Variants in KLF8 observed in about 807,000 individuals in gnomAD.
The protein encoded by KLF8 is KLF transcription factor 8, also known as Krueppel-like factor 8.
In KLF8, 10 loss-of-function variants were observed where a neutral mutation model predicts 18.2. The observed-to-expected ratio is 0.55, with a 90% CI of 0.34 to 0.93. The LOEUF is 0.93. Among genes scored for constraint, KLF8 ranks in the 40% least tolerant of loss-of-function variants. The probability of loss-of-function intolerance (pLI) is 0.02; values close to 1 mark genes in which losing one functional copy is unlikely to be tolerated. For synonymous variants in KLF8, 109 were observed against 97.3 expected, an observed-to-expected ratio of 1.12 and a Z score of -0.71; for missense variants, 264 against 277.9, an observed-to-expected ratio of 0.95 and a Z score of 0.36.
At chrX:55,962,429 A>G in the KLF8 span, 157 of 234,883 alleles carry the variant, frequency 6.7e-4, 1 homozygote, top group East Asian at 0.018. Flanking sequence ...GGCAGGGGTC[A>G]CCTTCAGCAA....
At chrX:56,043,952 CT>C in the KLF8 span, among the ~76,000 whole-genome samples, 1 of 112,363 alleles carries the variant, frequency 8.9e-6, no homozygotes, top group Non-Finnish European at 1.9e-5. Context: ...TGCCTTCTAT[CT>C]TTGAGGTTGC....
the KLF8 span, among the ~76,000 whole-genome samples, chrX:55,924,821 T>G: frequency 2.6e-5 from 2 of 76,232 alleles, no homozygotes; most frequent in Non-Finnish European, 4.2e-5. Context: ...TTCGTGGTGG[T>G]TTTTTTTTTG....
the KLF8 span, among the ~76,000 whole-genome samples, chrX:56,073,908 G>A: frequency 9.0e-6 from 1 of 111,518 alleles, no homozygotes; most frequent in Admixed American, 9.5e-5. Flanking sequence ...ACTATGCCCA[G>A]CTAATATTTT....
At chrX:56,103,880 C>T in the KLF8 span, among the ~76,000 whole-genome samples, 5 of 110,738 alleles carry the variant, frequency 4.5e-5, no homozygotes, top group South Asian at 3.9e-4. Flanking sequence ...TTTTGAGATA[C>T]GTCCCATCAA....
the KLF8 span, among the ~76,000 whole-genome samples, chrX:55,979,373 C>A: frequency 1.8e-5 from 2 of 111,391 alleles, no homozygotes. Context: ...GTTCTCAGAA[C>A]GAGAAAAGTA....
the KLF8 span, among the ~76,000 whole-genome samples, chrX:56,104,148 G>A: frequency 3.6e-5 from 4 of 111,468 alleles, no homozygotes; most frequent in Non-Finnish European, 5.7e-5. Context: ...ATCAAGGTTC[G>A]TCAGGGATAT....
the KLF8 span, among the ~76,000 whole-genome samples, chrX:56,074,006 C>T: frequency 1.8e-5 from 2 of 111,723 alleles, no homozygotes; most frequent in Non-Finnish European, 3.8e-5. Context: ...CCTTGGCCTC[C>T]CAAAGTGCTG....
At chrX:56,201,922 C>A in the KLF8 span, among the ~76,000 whole-genome samples, 2 of 111,556 alleles carry the variant, frequency 1.8e-5, no homozygotes, top group Admixed American at 1.9e-4. Context: ...TCAAGTGGAA[C>A]AGCATGGAGC....
chrX:55,942,626 A>T, the KLF8 span, among the ~76,000 whole-genome samples: 4 of 112,054 alleles, frequency 3.6e-5, no homozygotes, highest in Non-Finnish European at 7.5e-5. Flanking sequence ...ATGAAGGGTG[A>T]GCGACTAGAA....
At chrX:55,988,537 C>T in the KLF8 span, among the ~76,000 whole-genome samples, 1 of 111,261 alleles carries the variant, frequency 9.0e-6, no homozygotes, top group East Asian at 2.8e-4. Context: ...TTTCTGAGGG[C>T]TCTGTTCTGT....
the KLF8 span, among the ~76,000 whole-genome samples, chrX:55,948,356 A>C: frequency 8.9e-6 from 1 of 111,863 alleles, no homozygotes; most frequent in Admixed American, 9.5e-5. Flanking sequence ...GCTGTGTTCC[A>C]ATAGTACTTT....
the KLF8 span, among the ~76,000 whole-genome samples, chrX:56,123,206 G>C: frequency 9.2e-6 from 1 of 108,120 alleles, no homozygotes. Context: ...GTTTGACAGA[G>C]AGCCAGTGCA....
chrX:56,182,309 C>T, the KLF8 span, among the ~76,000 whole-genome samples: 1 of 112,482 alleles, frequency 8.9e-6, no homozygotes, highest in Non-Finnish European at 1.9e-5. Flanking sequence ...TTTTCAGCTC[C>T]ATGAGGTCAT....
the KLF8 span, among the ~76,000 whole-genome samples, chrX:56,045,383 T>C: frequency 1.8e-5 from 2 of 111,130 alleles, no homozygotes; most frequent in Non-Finnish European, 3.8e-5. Context: ...TATGAAAACT[T>C]TTTTTTTCGT....
chrX:55,977,942 G>A, the KLF8 span, among the ~76,000 whole-genome samples: 1 of 110,045 alleles, frequency 9.1e-6, no homozygotes, highest in Non-Finnish European at 1.9e-5. Flanking sequence ...GGGTTTTTTT[G>A]GTCTACGTTA....
the KLF8 span, among the ~76,000 whole-genome samples, chrX:56,166,135 TA>T: frequency 2.1e-5 from 1 of 48,497 alleles, no homozygotes; most frequent in Non-Finnish European, 5.0e-5. Context: ...ATAAGTGCTT[TA>T]TTTTTTTTTT....
At chrX:56,099,254 T>C in the KLF8 span, among the ~76,000 whole-genome samples, 1 of 111,835 alleles carries the variant, frequency 8.9e-6, no homozygotes, top group Non-Finnish European at 1.9e-5. Flanking sequence ...TAATCTTTGA[T>C]ATTATTATTT....
intron 5 of KLF8, among the ~76,000 whole-genome samples, chrX:56,274,793 T>C (rs957571391): frequency 4.5e-5 from 5 of 112,041 alleles, no homozygotes; most frequent in Non-Finnish European, 7.5e-5. Context: ...TCAGCACCTG[T>C]GTCTAAAATG....
At chrX:56,282,241 A>G (rs976926971) in intron 5 of KLF8, among the ~76,000 whole-genome samples, 43 of 112,494 alleles carry the variant, frequency 3.8e-4, no homozygotes, top group African/African-American at 1.4e-3. Flanking sequence ...AGAGAGAGAC[A>G]GAGAAGGACA....
Sources: gnomAD v4.1 joint callset for allele counts (sites outside exome capture counted in the v4.1 genomes callset) on GRCh38, gnomAD v4.1.1 for gene constraint, MANE v1.5 for transcripts, NCBI Gene and HGNC (gene_info 2026-07-23, HGNC 2026-07-21) for gene names.